GALNTL6: variants seen among roughly 807,000 people sequenced by gnomAD.
GALNTL6 encodes polypeptide N-acetylgalactosaminyltransferase like 6, also known as polypeptide N-acetylgalactosaminyltransferase-like 6.
Under a neutral mutation model 73.7 loss-of-function variants are expected in GALNTL6, and 46 were observed. That is an observed-to-expected ratio of 0.62 (90% CI 0.49 to 0.80). GALNTL6 has a LOEUF of 0.80. Among genes scored for constraint, GALNTL6 ranks in the 30% least tolerant of loss-of-function variants. The probability of loss-of-function intolerance (pLI) is 0.00; values close to 1 mark genes in which losing one functional copy is unlikely to be tolerated. For synonymous variants in GALNTL6, 259 were observed against 263.7 expected (o/e 0.98, Z 0.17); for missense variants, 604 against 755.0 (o/e 0.80, Z 2.34).
chr4:172,758,163 T>C (rs867674413), intron 5 of GALNTL6, among the ~76,000 whole-genome samples: 4 of 152,234 alleles, frequency 2.6e-5, no homozygotes, highest in Non-Finnish European at 2.9e-5. Flanking sequence ...ATGAAAAGTA[T>C]AGAGTATTGT....
At chr4:172,769,636 A>G (rs6851585) in intron 5 of GALNTL6, among the ~76,000 whole-genome samples, 72,927 of 152,078 alleles carry the variant, frequency 0.48, 18,324 homozygotes, top group African/African-American at 0.63. Context: ...AGAGTTATCT[A>G]CTTAGAGAAG....
At chr4:172,013,913 C>T (rs980821482) in intron 2 of GALNTL6, among the ~76,000 whole-genome samples, 2 of 147,134 alleles carry the variant, frequency 1.4e-5, no homozygotes, top group African/African-American at 5.0e-5. Context: ...TACTCTATAC[C>T]TCCATGAGTT....
intron 2 of GALNTL6, among the ~76,000 whole-genome samples, chr4:171,827,131 G>C (rs1734845764): frequency 2.0e-5 from 3 of 152,142 alleles, no homozygotes. Context: ...TATAGGCAGA[G>C]ATAAAAAAGT....
chr4:172,697,431 A>G (rs1243976337), intron 5 of GALNTL6, among the ~76,000 whole-genome samples: 1 of 152,246 alleles, frequency 6.6e-6, no homozygotes, highest in African/African-American at 2.4e-5. Context: ...AAAAGTTGGC[A>G]TTTCACTGGA....
At chr4:172,184,788 G>T (rs569387809) in intron 2 of GALNTL6, among the ~76,000 whole-genome samples, 2 of 152,268 alleles carry the variant, frequency 1.3e-5, no homozygotes, top group East Asian at 1.9e-4. Context: ...CGAGGGATTG[G>T]CATTGTTGAA....
intron 5 of GALNTL6, among the ~76,000 whole-genome samples, chr4:172,641,078 G>A (rs956211024): frequency 6.6e-6 from 1 of 151,952 alleles, no homozygotes; most frequent in African/African-American, 2.4e-5. Flanking sequence ...CCACTAGAAA[G>A]TCATGTCACT....
chr4:172,498,905 T>C (rs1734164854), intron 5 of GALNTL6, among the ~76,000 whole-genome samples: 1 of 152,202 alleles, frequency 6.6e-6, no homozygotes, highest in Non-Finnish European at 1.5e-5. Flanking sequence ...TAGTTATGGC[T>C]GCCTTCTAAA....
chr4:172,368,824 A>G (rs1742673303), intron 5 of GALNTL6, among the ~76,000 whole-genome samples: 1 of 152,154 alleles, frequency 6.6e-6, no homozygotes, highest in African/African-American at 2.4e-5. Flanking sequence ...AAGATGGTGT[A>G]TCCAGACTTT....
At chr4:173,013,675 A>C (rs1234336426) in intron 11 of GALNTL6, among the ~76,000 whole-genome samples, 1 of 151,940 alleles carries the variant, frequency 6.6e-6, no homozygotes. Flanking sequence ...TAGGCAGAAC[A>C]GAAAGACCAG....
intron 2 of GALNTL6, among the ~76,000 whole-genome samples, chr4:172,208,322 T>C (rs1204694290): frequency 6.6e-6 from 1 of 152,210 alleles, no homozygotes; most frequent in Non-Finnish European, 1.5e-5. Flanking sequence ...GACAATTATA[T>C]AGCAGAATTA....
At position 172,097,206 on chromosome 4, in the gene GALNTL6, T is replaced by C. The variant is rs550945029; in HGVS notation, c.139-132450T>C. Among the ~76,000 whole-genome samples, 17 of 152,330 alleles carry C rather than the reference T, an allele frequency of 1.1e-4. No individual in the cohort carries two copies. In the East Asian group the frequency reaches 2.9e-3, roughly 26 times the overall value. The stretch of plus-strand genomic sequence containing the variant: ...GTTTTGTAATCTCTGTTTGGAGTCA[T>C]TGGGAAGCAATATTGGATAAATCAG... On this transcript the variant is annotated intron_variant, in intron 2 of 12. Transcript: ENST00000506823.
chr4:172,216,612 T>C (rs1443518137), intron 2 of GALNTL6, among the ~76,000 whole-genome samples: 3 of 152,228 alleles, frequency 2.0e-5, no homozygotes, highest in Non-Finnish European at 4.4e-5. Context: ...TCATTAATTT[T>C]GAAAAATTCA....
At chr4:172,405,482 T>C (rs112668414) in intron 5 of GALNTL6, among the ~76,000 whole-genome samples, 1 of 139,788 alleles carries the variant, frequency 7.2e-6, no homozygotes. Context: ...TGCATTGAAG[T>C]GAGGTGAGTC....
chr4:172,688,058 G>A (rs1006800564), intron 5 of GALNTL6, among the ~76,000 whole-genome samples: 19 of 152,134 alleles, frequency 1.2e-4, no homozygotes, highest in Admixed American at 1.1e-3. Flanking sequence ...GATACCTTTT[G>A]TCCTTGTATT....
At chr4:171,991,840 T>C (rs1284828189) in intron 2 of GALNTL6, among the ~76,000 whole-genome samples, 1 of 150,844 alleles carries the variant, frequency 6.6e-6, no homozygotes, top group Non-Finnish European at 1.5e-5. Flanking sequence ...TTAGTGAATA[T>C]TTGAGGAAAT....
At chr4:172,690,295 A>G (rs1733189882) in intron 5 of GALNTL6, among the ~76,000 whole-genome samples, 1 of 152,152 alleles carries the variant, frequency 6.6e-6, no homozygotes, top group Admixed American at 6.5e-5. Flanking sequence ...CCCAAATTCT[A>G]TACCTTCCAG....
intron 5 of GALNTL6, among the ~76,000 whole-genome samples, chr4:172,572,974 A>G (rs1439524227): frequency 6.6e-6 from 1 of 152,126 alleles, no homozygotes; most frequent in African/African-American, 2.4e-5. Context: ...TGACCTTAGT[A>G]AATATCTAGA....
intron 5 of GALNTL6, among the ~76,000 whole-genome samples, chr4:172,567,926 A>T (rs1736619306): frequency 6.6e-6 from 1 of 152,172 alleles, no homozygotes; most frequent in Admixed American, 6.5e-5. Context: ...TGAAATTGTT[A>T]GTTGGGAGTC....
At chr4:172,765,846 C>CA (rs1738373385) in intron 5 of GALNTL6, among the ~76,000 whole-genome samples, 1 of 112,596 alleles carries the variant, frequency 8.9e-6, no homozygotes, top group South Asian at 2.4e-4. Flanking sequence ...AAAACTTTCC[C>CA]AAAAAATCAC....
Sources: gnomAD v4.1 joint callset for allele counts (sites outside exome capture counted in the v4.1 genomes callset) on GRCh38, gnomAD v4.1.1 for gene constraint, MANE v1.5 for transcripts, NCBI Gene and HGNC (gene_info 2026-07-23, HGNC 2026-07-21) for gene names.